Variants in SNX18 observed in about 807,000 individuals in gnomAD.
SNX18 encodes sorting nexin-18.
In SNX18, 35 loss-of-function variants were observed where a neutral mutation model predicts 48.7. That is an observed-to-expected ratio of 0.72 (90% CI 0.55 to 0.95). SNX18 has a LOEUF of 0.95. Ranked by LOEUF, SNX18 falls within the 40% of genes least tolerant of loss-of-function variation. The probability of loss-of-function intolerance (pLI) is 0.00; values close to 1 mark genes in which losing one functional copy is unlikely to be tolerated. For synonymous variants in SNX18, 492 were observed against 384.7 expected, an observed-to-expected ratio of 1.28 and a Z score of -3.26; for missense variants, 824 against 871.0, an observed-to-expected ratio of 0.95 and a Z score of 0.68.
chr5:54,570,516 C>A, the SNX18 span, among the ~76,000 whole-genome samples: 1 of 152,174 alleles, frequency 6.6e-6, no homozygotes, highest in African/African-American at 2.4e-5. Flanking sequence ...TGTATTTAAT[C>A]AATCTTAAAT....
chr5:54,601,363 A>C, the SNX18 span, among the ~76,000 whole-genome samples: 1 of 152,152 alleles, frequency 6.6e-6, no homozygotes, highest in Non-Finnish European at 1.5e-5. Flanking sequence ...TGAATTGGCT[A>C]CCCAGGATGT....
chr5:54,518,690 G>C lies in SNX18; in HGVS notation c.738G>C (p.Gly246=), dbSNP rs138425349. 3.9e-4 allele frequency: 615 copies of C among 1,574,826 alleles called. 5 individuals are homozygous for C. The African/African-American group carries it at 7.7e-3, about 20-fold the overall frequency. ...CCGGCGGGGAGGCCTTCGTGCTGGG[G>C]GAGGCGTCAGGCTTCGTGAAGGACG... ...VKSGGEAFVL[G]EASGFVKDGD... is the part of the protein sequence containing the mutation. The change falls in exon 1 of 2, where the codon GGG becomes GGC. Residue 246 remains glycine (G), a synonymous_variant. Coordinates refer to ENST00000381410, the MANE Select transcript of SNX18 (RefSeq NM_001102575.2).
the SNX18 span, among the ~76,000 whole-genome samples, chr5:54,561,796 A>G: frequency 1.3e-5 from 2 of 152,316 alleles, no homozygotes; most frequent in South Asian, 4.1e-4. Context: ...GAGAATGAAC[A>G]TATGCAGGGC....
At position 54,518,228 on chromosome 5, in the gene SNX18, G is replaced by T; in HGVS notation, c.276G>T (p.Ala92=). ...PPGGFEPLPV[A]PPASFKPPPD... is the part of the protein sequence containing the mutation. ...GGGGCTTCGAGCCCCTGCCTGTCGC[G>T]CCCCCCGCCTCCTTCAAGCCGCCGC... Residue 92 remains alanine (A), a synonymous_variant, in exon 1 of 2, where the codon GCG becomes GCT. Coordinates refer to ENST00000381410, the MANE Select transcript of SNX18 (RefSeq NM_001102575.2). 7.1e-7 allele frequency: 1 copy of T among 1,409,158 alleles called. No individual in the cohort carries two copies. Among genetic ancestry groups the T allele is most frequent in the South Asian group, 1.6e-5 (1 of 64,094 alleles). 87.3% of individuals were successfully genotyped at this position (1,409,158 alleles called of 1,614,324 possible).
At chr5:54,519,806 A>G (rs201770335) in intron 1 of SNX18, 13 of 1,612,340 alleles carry the variant, frequency 8.1e-6, no homozygotes, top group Middle Eastern at 1.6e-4. Flanking sequence ...CGAAGGTTCA[A>G]AGAGTACCTT....
chr5:54,518,910 T>C lies in SNX18; in HGVS notation c.958T>C (p.Tyr320His), dbSNP rs1162901508. 3.7e-6 allele frequency: 6 copies of C among 1,613,824 alleles called. No individual in the cohort carries two copies. The Admixed American group carries it at 1.0e-4, about 27-fold the overall frequency. The change falls in exon 1 of 2, where the codon TAC becomes CAC. Residue 320 changes from tyrosine to histidine, a missense_variant. Transcript: ENST00000381410. Reference protein sequence around the residue: ...HRRYKHFDWLYARLAEKFPVI... With the variant: ...HRRYKHFDWLHARLAEKFPVI... ...GCGCTACAAGCACTTCGACTGGCTG[T>C]ACGCGCGCCTGGCGGAGAAGTTCCC...
chr5:54,518,654 C>T lies in SNX18; in HGVS notation c.702C>T (p.Thr234=), dbSNP rs758456301. The change falls in exon 1 of 2, where the codon ACC becomes ACT. Residue 234 remains threonine, a synonymous_variant. Coordinates refer to ENST00000381410, the MANE Select transcript of SNX18 (RefSeq NM_001102575.2). ...TVSRNLNRFS[T]FVKSGGEAFV... Reference sequence around the variant, plus strand: ...GCCGCAACCTCAATCGCTTCTCCACCTTCGTCAAGTCCGGCGGGGAGGCCT... The same window carrying T: ...GCCGCAACCTCAATCGCTTCTCCACTTTCGTCAAGTCCGGCGGGGAGGCCT... 9.0e-6 allele frequency: 14 copies of T among 1,558,042 alleles called. No homozygotes were observed. Among genetic ancestry groups the T allele is most frequent in the Admixed American group, 2.0e-5 (1 of 51,044 alleles).
chr5:54,532,669 C>A (rs1415480187), intron 1 of SNX18, among the ~76,000 whole-genome samples: 1 of 152,156 alleles, frequency 6.6e-6, no homozygotes. Context: ...AATAAAGACA[C>A]TGTGTTTTCA....
At chr5:54,615,257 C>T in the SNX18 span, among the ~76,000 whole-genome samples, 4 of 152,188 alleles carry the variant, frequency 2.6e-5, no homozygotes, top group Non-Finnish European at 5.9e-5. Context: ...AATTCTTGAG[C>T]ATGATCTAGA....
chr5:54,527,644 TCCTTGGAGTATCCC>T (rs941606973), intron 1 of SNX18, among the ~76,000 whole-genome samples: 1 of 152,238 alleles, frequency 6.6e-6, no homozygotes, highest in African/African-American at 2.4e-5. Context: ...CTAGTCCCCT[TCCTTGGAGTATCCC>T]CCTTGGATTG....
chr5:54,599,358 C>T, the SNX18 span, among the ~76,000 whole-genome samples: 55,921 of 151,938 alleles, frequency 0.37, 10,429 homozygotes, highest in South Asian at 0.56. Flanking sequence ...AAAAATATTC[C>T]GTGCTCATGG....
intron 1 of SNX18, among the ~76,000 whole-genome samples, chr5:54,529,628 CT>C (rs567662245): frequency 0.056 from 8,258 of 146,864 alleles, 306 homozygotes; most frequent in Middle Eastern, 0.11. Context: ...TATATATGTC[CT>C]TTTTTTTTTT....
chr5:54,538,598 C>A (rs1762401965), intron 1 of SNX18, among the ~76,000 whole-genome samples: 1 of 152,076 alleles, frequency 6.6e-6, no homozygotes, highest in African/African-American at 2.4e-5. Context: ...TTTTAAAAAA[C>A]AAATTACTTT....
the SNX18 span, among the ~76,000 whole-genome samples, chr5:54,556,248 A>G: frequency 6.6e-6 from 1 of 152,206 alleles, no homozygotes; most frequent in African/African-American, 2.4e-5. Flanking sequence ...AACAACACAG[A>G]TTTATTACCT....
the SNX18 span, among the ~76,000 whole-genome samples, chr5:54,583,948 C>A: frequency 6.6e-6 from 1 of 152,090 alleles, no homozygotes; most frequent in African/African-American, 2.4e-5. Flanking sequence ...ACACCTGCTG[C>A]AGCTTGGCGA....
At chr5:54,593,044 A>C in the SNX18 span, among the ~76,000 whole-genome samples, 5 of 152,182 alleles carry the variant, frequency 3.3e-5, no homozygotes, top group Non-Finnish European at 7.4e-5. Context: ...CATGTGATCC[A>C]CACGCCTCAG....
intron 1 of SNX18, among the ~76,000 whole-genome samples, chr5:54,523,127 G>A (rs950799022): frequency 6.6e-6 from 1 of 152,088 alleles, no homozygotes; most frequent in South Asian, 2.1e-4. Flanking sequence ...GCAGTGTGCA[G>A]ATGTTTGTCA....
chr5:54,535,910 A>G (rs939155260), intron 1 of SNX18, among the ~76,000 whole-genome samples: 2 of 152,168 alleles, frequency 1.3e-5, no homozygotes, highest in African/African-American at 4.8e-5. Context: ...CCTCTCATTT[A>G]GGAATTAGAC....
At chr5:54,602,625 A>T in the SNX18 span, among the ~76,000 whole-genome samples, 1 of 152,160 alleles carries the variant, frequency 6.6e-6, no homozygotes, top group African/African-American at 2.4e-5. Flanking sequence ...AGCGGGAGTG[A>T]AAGTCTATTG....
Sources: allele counts gnomAD v4.1 joint callset (sites outside exome capture counted in the v4.1 genomes callset), GRCh38; gene constraint gnomAD v4.1.1; transcripts MANE v1.5; gene names NCBI Gene and HGNC (gene_info 2026-07-23, HGNC 2026-07-21).